The following GABBR2 variants were observed in gnomAD, a reference collection of about 807,000 sequenced individuals.
GABBR2 encodes G-protein coupled receptor 51.
A neutral mutation model predicts 105.6 loss-of-function variants in GABBR2; 23 were observed. That is an observed-to-expected ratio of 0.22 (90% CI 0.16 to 0.31). The LOEUF (loss-of-function observed/expected upper bound fraction) is 0.31, where lower values mean the gene tolerates loss of function less well. Ranked by LOEUF, GABBR2 falls within the 10% of genes least tolerant of loss-of-function variation. The pLI is 1.00. For missense variants in GABBR2, 734 were observed against 1,245.5 expected, an observed-to-expected ratio of 0.59 and a Z score of 6.18; for synonymous variants, 478 against 499.7, an observed-to-expected ratio of 0.96 and a Z score of 0.58.
At chr9:98,509,703 G>A (rs1419446316) in intron 3 of GABBR2, among the ~76,000 whole-genome samples, 3 of 152,200 alleles carry the variant, frequency 2.0e-5, no homozygotes, top group Admixed American at 1.3e-4. Flanking sequence ...AATGAAGTGA[G>A]AAGAGAAGTT....
chr9:98,471,027 G>C (rs547209323), intron 6 of GABBR2, among the ~76,000 whole-genome samples: 1 of 152,118 alleles, frequency 6.6e-6, no homozygotes, highest in African/African-American at 2.4e-5. Flanking sequence ...GGGACCTAGG[G>C]GTGGCAGAAT....
At chr9:98,603,037 C>T (rs1384591405) in intron 1 of GABBR2, among the ~76,000 whole-genome samples, 2 of 136,494 alleles carry the variant, frequency 1.5e-5, no homozygotes, top group African/African-American at 3.0e-5. Context: ...TCTGGAAACA[C>T]GAGGACTTGG....
rs575497458 is a variant in GABBR2, at chr9:98,581,676, AT to A, written c.322-3605del. 1.2e-3 allele frequency among the ~76,000 whole-genome samples: 179 copies of A among 147,344 alleles called. 1 individual carries two copies. The highest frequency in any genetic ancestry group is 2.8e-3 in the South Asian group (13 of 4,664). On this transcript the variant is annotated intron_variant, in intron 1 of 18. Transcript: ENST00000259455. ...TCATGTTTTAATTGTTTCTACCATGATTTTTTTTTTTGGAATCTACCATGAT... is the reference window on the plus strand; with the variant it reads ...TCATGTTTTAATTGTTTCTACCATGATTTTTTTTTTGGAATCTACCATGAT...
chr9:98,629,212 C>A (rs1238193394), intron 1 of GABBR2, among the ~76,000 whole-genome samples: 1 of 151,994 alleles, frequency 6.6e-6, no homozygotes, highest in African/African-American at 2.4e-5. Context: ...TGGATATGCT[C>A]AAAAATGATG....
At chr9:98,450,161 C>T (rs1251568167) in intron 7 of GABBR2, among the ~76,000 whole-genome samples, 3 of 152,068 alleles carry the variant, frequency 2.0e-5, no homozygotes, top group Admixed American at 6.5e-5. Context: ...AATGAGGGGG[C>T]ACCCAGACTA....
At chr9:98,586,199 C>T (rs933237136) in intron 1 of GABBR2, among the ~76,000 whole-genome samples, 7 of 152,086 alleles carry the variant, frequency 4.6e-5, no homozygotes, top group Non-Finnish European at 8.8e-5. Flanking sequence ...ACCTCTGCGC[C>T]CACACCTGCA....
At chr9:98,304,606 A>C (rs911920490) in intron 15 of GABBR2, among the ~76,000 whole-genome samples, 4 of 152,174 alleles carry the variant, frequency 2.6e-5, no homozygotes, top group Admixed American at 2.6e-4. Flanking sequence ...TGCAGAGCTC[A>C]CAGTGCCTGG....
At chr9:98,586,568 G>A (rs1829080609) in intron 1 of GABBR2, among the ~76,000 whole-genome samples, 2 of 152,150 alleles carry the variant, frequency 1.3e-5, no homozygotes, top group African/African-American at 2.4e-5. Context: ...CCAAAGTGCT[G>A]GGATTATAGA....
chr9:98,474,891 C>T (rs1282407970), intron 5 of GABBR2, among the ~76,000 whole-genome samples: 1 of 152,202 alleles, frequency 6.6e-6, no homozygotes, highest in Non-Finnish European at 1.5e-5. Context: ...TCCTCTAAAA[C>T]ACCCTTAATA....
chr9:98,470,120 A>T (rs370924611), intron 6 of GABBR2, among the ~76,000 whole-genome samples: 1 of 152,224 alleles, frequency 6.6e-6, no homozygotes, highest in Non-Finnish European at 1.5e-5. Flanking sequence ...ACAAAGGAAC[A>T]GGCTGAGCAT....
intron 13 of GABBR2, among the ~76,000 whole-genome samples, chr9:98,356,568 C>T (rs1458228640): frequency 2.0e-5 from 3 of 152,200 alleles, no homozygotes; most frequent in Non-Finnish European, 4.4e-5. Context: ...CGTGGGTTTG[C>T]AAAACGGTAT....
At chr9:98,480,428 C>T (rs989125903) in intron 5 of GABBR2, among the ~76,000 whole-genome samples, 2 of 152,152 alleles carry the variant, frequency 1.3e-5, no homozygotes, top group African/African-American at 2.4e-5. Context: ...TCTATTTCCT[C>T]ATCTGTAAAA....
intron 1 of GABBR2, among the ~76,000 whole-genome samples, chr9:98,613,670 G>T (rs539781571): frequency 6.6e-6 from 1 of 152,246 alleles, no homozygotes; most frequent in African/African-American, 2.4e-5. Context: ...CTGCAGGGAA[G>T]TAACTGCATG....
chr9:98,437,384 A>G lies in GABBR2; in HGVS notation c.1236+16597T>C, dbSNP rs549940508. Among the ~76,000 whole-genome samples, 54 of 151,630 alleles carry G rather than the reference A, an allele frequency of 3.6e-4. No homozygotes were observed. In the South Asian group the frequency reaches 9.0e-3, roughly 25 times the overall value. On this transcript the variant is annotated intron_variant, in intron 7 of 18. Transcript: ENST00000259455. ...GCTATCCACCTGCTATCATCTATCAATACAACCACCGTCTATCCATCCATC... is the reference window on the plus strand; with the variant it reads ...GCTATCCACCTGCTATCATCTATCAGTACAACCACCGTCTATCCATCCATC...
intron 13 of GABBR2, among the ~76,000 whole-genome samples, chr9:98,317,786 T>C (rs1488894935): frequency 6.6e-6 from 1 of 152,128 alleles, no homozygotes; most frequent in African/African-American, 2.4e-5. Context: ...TCTTGGAGGG[T>C]ACATTCCAGT....
At chr9:98,377,552 A>T (rs963008243) in intron 11 of GABBR2, among the ~76,000 whole-genome samples, 7 of 152,126 alleles carry the variant, frequency 4.6e-5, no homozygotes, top group African/African-American at 1.7e-4. Context: ...TAGGTTTTCA[A>T]TCTACACTGC....
intron 1 of GABBR2, among the ~76,000 whole-genome samples, chr9:98,659,887 G>A (rs971045884): frequency 1.3e-5 from 2 of 151,970 alleles, no homozygotes; most frequent in Admixed American, 1.3e-4. Flanking sequence ...AAATGATGCT[G>A]TAGTTTGCTG....
chr9:98,372,250 C>G (rs17768880), intron 11 of GABBR2, among the ~76,000 whole-genome samples: 1 of 152,176 alleles, frequency 6.6e-6, no homozygotes, highest in Admixed American at 6.5e-5. Context: ...GCCTCCAGGA[C>G]GCCCACCTTC....
chr9:98,340,159 T>C (rs983083865), intron 13 of GABBR2, among the ~76,000 whole-genome samples: 9 of 149,988 alleles, frequency 6.0e-5, no homozygotes, highest in African/African-American at 1.2e-4. Flanking sequence ...AAAAAGAACA[T>C]TTATTGCTTT....
Sources: allele counts gnomAD v4.1 joint callset (sites outside exome capture counted in the v4.1 genomes callset), GRCh38; gene constraint gnomAD v4.1.1; transcripts MANE v1.5; gene names NCBI Gene and HGNC (gene_info 2026-07-23, HGNC 2026-07-21).